Variants in BDP1 observed in about 807,000 individuals in gnomAD.
The protein encoded by BDP1 is BDP1 general transcription factor IIIB subunit, also known as transcription factor TFIIIB component B'' homolog.
Under a neutral mutation model 266.6 loss-of-function variants are expected in BDP1, and 169 were observed. The observed-to-expected ratio is 0.63, with a 90% confidence interval of 0.56 to 0.72. The LOEUF (loss-of-function observed/expected upper bound fraction) is 0.72, where lower values mean the gene tolerates loss of function less well. BDP1 is among the 30% of genes least tolerant of loss of function. BDP1 has a pLI of 0.00. For synonymous variants in BDP1, 1,090 were observed against 1,022.4 expected, an observed-to-expected ratio of 1.07 and a Z score of -1.26; for missense variants, 3,015 against 3,053.8, an observed-to-expected ratio of 0.99 and a Z score of 0.30.
chr5:71,480,956 C>T (rs1762920392), intron 7 of BDP1, among the ~76,000 whole-genome samples: 1 of 152,066 alleles, frequency 6.6e-6, no homozygotes, highest in African/African-American at 2.4e-5. Flanking sequence ...GCGGGTGGAT[C>T]ACGAGGTCAG....
intron 32 of BDP1, among the ~76,000 whole-genome samples, chr5:71,546,347 G>C (rs1742308831): frequency 6.6e-6 from 1 of 151,798 alleles, no homozygotes; most frequent in African/African-American, 2.4e-5. Flanking sequence ...GGCTGGGTGG[G>C]GTAGCTCACG....
chr5:71,461,015 T>C (rs1761523668), intron 2 of BDP1, among the ~76,000 whole-genome samples: 1 of 152,238 alleles, frequency 6.6e-6, no homozygotes, highest in South Asian at 2.1e-4. Flanking sequence ...AAGGTCTCAC[T>C]GTCACCCAGG....
Position 71,514,693 on chromosome 5 carries a change from AT to A in BDP1, c.4471-244del, listed in dbSNP as rs1048439745. On this transcript the variant is annotated intron_variant, in intron 19 of 38. Coordinates refer to ENST00000358731, the MANE Select transcript of BDP1 (RefSeq NM_018429.3). ...TAATGATATATCTGTTTTATTTCTG[AT>A]TTTTTTGTTTGTCTTTTCCGGTGAG... 9.9e-5 allele frequency among the ~76,000 whole-genome samples: 15 copies of A among 152,080 alleles called. 1 individual carries two copies. The highest frequency in any genetic ancestry group is 3.6e-4 in the African/African-American group (15 of 41,508).
Position 71,510,221 on chromosome 5 carries a change from A to G in BDP1, c.3129A>G (p.Glu1043=), listed in dbSNP as rs1170949349. The G allele has an allele frequency of 1.2e-6, 2 of 1,614,004 alleles. No homozygotes were observed. The highest frequency in any genetic ancestry group is 1.7e-4 in the Middle Eastern group (1 of 6,060). Residue 1043 remains glutamate, a synonymous_variant, in exon 17 of 39, where the codon GAA becomes GAG. Transcript: ENST00000358731. ...EEIDLEETER[E]VSPQENGLEE... ...TAGATTTGGAAGAAACTGAAAGAGA[A>G]GTATCCCCACAGGAAAATGGACTAG...
Position 71,532,360 on chromosome 5 carries a change from A to G in BDP1, c.5825A>G (p.His1942Arg), listed in dbSNP as rs2150536487. The G allele has an allele frequency of 2.5e-6, 4 of 1,613,598 alleles. No homozygotes were observed. Among genetic ancestry groups the G allele is most frequent in the South Asian group, 2.2e-5 (2 of 91,042 alleles). ...PDVGCIAVVE[H>R]ELPNTDVTTE... is the part of the protein sequence containing the mutation. ...GTAGGATGCATAGCTGTTGTTGAAC[A>G]TGAGCTACCAAACACAGATGTGACT... The change falls in exon 26 of 39, where the codon CAT (histidine) becomes CGT (arginine). Residue 1942 changes from histidine (H) to arginine (R), a missense_variant. Physicochemically the swap from His to Arg is conservative, Grantham distance 29 (BLOSUM62 0). Around this residue, in one of 3 missense-constraint regions of BDP1, gnomAD observed 2,383 missense variants for 2,404.9 expected, o/e 0.99. Transcript: ENST00000358731.
chr5:71,489,674 A>C lies in BDP1; in HGVS notation c.1484A>C (p.Lys495Thr). The C allele has an allele frequency of 6.2e-7, 1 of 1,602,548 alleles. No individual in the cohort carries two copies. The highest frequency in any genetic ancestry group is 8.5e-7 in the Non-Finnish European group (1 of 1,176,952). The change falls in exon 10 of 39, where the codon AAA becomes ACA. Residue 495 changes from lysine to threonine, a missense_variant. Around this residue, in one of 3 missense-constraint regions of BDP1, gnomAD observed 2,383 missense variants for 2,404.9 expected, o/e 0.99. Transcript: ENST00000358731. ...TVQAGPSKGEKHKNKCQAIRP... is the reference protein window; with the variant it reads ...TVQAGPSKGETHKNKCQAIRP... ...CAGGCGGGTCCTTCTAAAGGAGAAAAACACAAGAGTAAGTTTCTTACATAT... is the reference window on the plus strand; with the variant it reads ...CAGGCGGGTCCTTCTAAAGGAGAAACACACAAGAGTAAGTTTCTTACATAT...
At position 71,489,581 on chromosome 5, in the gene BDP1, G is replaced by A. The variant is rs1270588481; in HGVS notation, c.1391G>A (p.Arg464Lys). The A allele has an allele frequency of 6.2e-7, 1 of 1,614,052 alleles. No individual in the cohort carries two copies. Reference sequence around the variant, plus strand: ...GAAGTAGACCTAAATCAAAAGAAAAGAAGGAGGAAGAAGCAAGATGGAGCT... The same window carrying A: ...GAAGTAGACCTAAATCAAAAGAAAAAAAGGAGGAAGAAGCAAGATGGAGCT... The part of the protein sequence containing the change: ...ALEVDLNQKK[R>K]RRKKQDGANE... The change falls in exon 10 of 39, where the codon AGA becomes AAA. Residue 464 changes from arginine (R) to lysine (K), a missense_variant. Around this residue, in one of 3 missense-constraint regions of BDP1, gnomAD observed 2,383 missense variants for 2,404.9 expected, o/e 0.99. Transcript: ENST00000358731.
At chr5:71,464,821 C>T (rs950612282) in intron 4 of BDP1, among the ~76,000 whole-genome samples, 1 of 145,212 alleles carries the variant, frequency 6.9e-6, no homozygotes, top group Middle Eastern at 3.8e-3. Flanking sequence ...CGGGTTCAAG[C>T]GATTCTGCTG....
At chr5:71,493,059 G>A (rs1041670863) in intron 11 of BDP1, among the ~76,000 whole-genome samples, 4 of 152,074 alleles carry the variant, frequency 2.6e-5, no homozygotes. Flanking sequence ...ATCAAATTAG[G>A]CTCATTGAGA....
In BDP1 at chr5:71,467,465, C is replaced by T; in HGVS notation, c.897C>T (p.Tyr299=). Residue 299 remains tyrosine, a synonymous_variant, in exon 6 of 39, where the codon TAC becomes TAT. Transcript: ENST00000358731. ...ACTCCAGCTTTAGGAAAAACTATTA[C>T]TCTAAACCATGGTCAAATAAAGGTA... ...TTYSSFRKNY[Y]SKPWSNKETD... is the part of the protein sequence containing the mutation. 2 of 1,604,304 alleles carry T rather than the reference C, an allele frequency of 1.2e-6. No homozygotes were observed. Among genetic ancestry groups the T allele is most frequent in the Non-Finnish European group, 1.7e-6 (2 of 1,173,692 alleles).
At chr5:71,519,595 A>G (rs577284957) in intron 22 of BDP1, among the ~76,000 whole-genome samples, 1 of 152,362 alleles carries the variant, frequency 6.6e-6, no homozygotes, top group East Asian at 1.9e-4. Context: ...TTCACCTAAC[A>G]TAATGACCTC....
At chr5:71,528,404 ACTT>A (rs1449083074) in intron 25 of BDP1, among the ~76,000 whole-genome samples, 8 of 152,084 alleles carry the variant, frequency 5.3e-5, no homozygotes, top group African/African-American at 1.9e-4. Context: ...ATTTTCAGTC[ACTT>A]CTTTGGCTTA....
At chr5:71,552,449 T>C (rs2111977019) in intron 34 of BDP1, among the ~76,000 whole-genome samples, 1 of 152,372 alleles carries the variant, frequency 6.6e-6, no homozygotes, top group East Asian at 1.9e-4. Context: ...ATCTCGGCAC[T>C]TTGGGAGGCC....
At position 71,510,224 on chromosome 5, in the gene BDP1, A is replaced by G. The variant is rs190889847; in HGVS notation, c.3132A>G (p.Val1044=). ...EIDLEETERE[V]SPQENGLEEV... is the part of the protein sequence containing the mutation. ...ATTTGGAAGAAACTGAAAGAGAAGTATCCCCACAGGAAAATGGACTAGAGG... is the reference window on the plus strand; with the variant it reads ...ATTTGGAAGAAACTGAAAGAGAAGTGTCCCCACAGGAAAATGGACTAGAGG... Residue 1044 remains valine (V), a synonymous_variant, in exon 17 of 39, where the codon GTA becomes GTG. Coordinates refer to ENST00000358731, the MANE Select transcript of BDP1 (RefSeq NM_018429.3). The G allele has an allele frequency of 4.3e-6, 7 of 1,613,970 alleles. No homozygotes were observed. The highest frequency in any genetic ancestry group is 2.7e-5 in the African/African-American group (2 of 74,976).
intron 35 of BDP1, among the ~76,000 whole-genome samples, chr5:71,556,517 T>G (rs1040070756): frequency 3.3e-5 from 5 of 152,162 alleles, no homozygotes; most frequent in African/African-American, 4.8e-5. Context: ...TACAGATGAT[T>G]TTTCTCCTCA....
intron 25 of BDP1, among the ~76,000 whole-genome samples, chr5:71,529,509 A>G (rs1345240258): frequency 6.6e-6 from 1 of 152,198 alleles, no homozygotes; most frequent in Non-Finnish European, 1.5e-5. Flanking sequence ...TATACAACAT[A>G]GCAAGACCCT....
chr5:71,465,956 C>T (rs773347025), intron 4 of BDP1, 140 bp from the exon 5 acceptor site: 1 of 823,780 alleles, frequency 1.2e-6, no homozygotes, highest in African/African-American at 1.8e-5. Context: ...TCCTTAATAA[C>T]ACATACTGTT....
intron 33 of BDP1, among the ~76,000 whole-genome samples, chr5:71,549,109 G>A (rs1742555343): frequency 6.6e-6 from 1 of 152,152 alleles, no homozygotes; most frequent in African/African-American, 2.4e-5. Context: ...ACGGTGGCAT[G>A]CACCTGTAAT....
chr5:71,540,371 A>G (rs542830900), intron 28 of BDP1, among the ~76,000 whole-genome samples: 2 of 152,312 alleles, frequency 1.3e-5, no homozygotes, highest in African/African-American at 4.8e-5. Flanking sequence ...CTTGTCACCC[A>G]GGCTGGAGTG....
Sources: gnomAD v4.1 joint callset for allele counts (sites outside exome capture counted in the v4.1 genomes callset) on GRCh38, gnomAD v4.1.1 for gene constraint, gnomAD v4.1.1 regional missense constraint, MANE v1.5 for transcripts, NCBI Gene and HGNC (gene_info 2026-07-23, HGNC 2026-07-21) for gene names.